Variants in GABRG1 observed in about 807,000 individuals in gnomAD.
GABRG1 encodes gamma-aminobutyric acid type A receptor subunit gamma1, also known as gamma-aminobutyric acid receptor subunit gamma-1.
Under a neutral mutation model 49.8 loss-of-function variants are expected in GABRG1, and 49 were observed. That is an observed-to-expected ratio of 0.98 (90% CI 0.78 to 1.25). The LOEUF (loss-of-function observed/expected upper bound fraction) is 1.25. Among genes scored for constraint, GABRG1 ranks in the 50% most tolerant of loss-of-function variants. GABRG1 has a pLI of 0.00. For missense variants in GABRG1, 552 were observed against 552.3 expected (o/e 1.00, Z 0.01); for synonymous variants, 232 against 185.1 (o/e 1.25, Z -2.06).
chr4:46,085,491 T>C (rs764320752), intron 2 of GABRG1, among the ~76,000 whole-genome samples: 5 of 151,600 alleles, frequency 3.3e-5, no homozygotes, highest in African/African-American at 4.8e-5. Context: ...TTGTTAAATA[T>C]GTATGTGAAA....
At chr4:46,072,508 C>T (rs1577647528) in intron 3 of GABRG1, among the ~76,000 whole-genome samples, 1 of 152,096 alleles carries the variant, frequency 6.6e-6, no homozygotes, top group African/African-American at 2.4e-5. Context: ...CAAGAAGGAA[C>T]ATATTCCTCC....
intron 6 of GABRG1, 28 bp downstream of exon 6, chr4:46,058,457 C>T (rs1454234410): frequency 6.2e-7 from 1 of 1,607,438 alleles, no homozygotes; most frequent in Non-Finnish European, 8.5e-7. Context: ...ATGCTAGCAT[C>T]ATTTCACTAT....
intron 8 of GABRG1, among the ~76,000 whole-genome samples, chr4:46,044,668 C>G (rs777219155): frequency 1.3e-5 from 2 of 152,082 alleles, no homozygotes; most frequent in Admixed American, 6.6e-5. Flanking sequence ...GGAATCTACT[C>G]TTCCACTCAG....
chr4:46,110,634 A>G lies in GABRG1; in HGVS notation c.104+13176T>C, dbSNP rs1720684259. On this transcript the variant is annotated intron_variant, in intron 1 of 8. Transcript: ENST00000295452. The stretch of plus-strand genomic sequence containing the variant: ...AATAAGGCAAACTGAACCCAACAGT[A>G]CATCAAAAAGTTAATTCATCACAAT... 7.9e-5 allele frequency among the ~76,000 whole-genome samples: 12 copies of G among 151,508 alleles called. No individual in the cohort carries two copies. In the South Asian group the frequency reaches 2.5e-3, roughly 31 times the overall value.
intron 3 of GABRG1, among the ~76,000 whole-genome samples, chr4:46,081,143 A>T (rs1009914584): frequency 6.6e-6 from 1 of 151,676 alleles, no homozygotes; most frequent in African/African-American, 2.4e-5. Flanking sequence ...CAGGTCCTTA[A>T]ATACATGTGT....
intron 7 of GABRG1, among the ~76,000 whole-genome samples, chr4:46,052,661 C>G (rs1352863701): frequency 2.0e-5 from 3 of 151,896 alleles, no homozygotes; most frequent in African/African-American, 7.2e-5. Context: ...TCATAATCCT[C>G]ATTCGTTTTC....
intron 2 of GABRG1, 56 bp from the exon 3 acceptor site, chr4:46,084,109 T>A: frequency 1.0e-6 from 1 of 973,278 alleles, no homozygotes; most frequent in Non-Finnish European, 1.6e-6. Flanking sequence ...TTGTTTTAAA[T>A]AAATCTTAGT....
chr4:46,088,872 T>C (rs1204740995), intron 2 of GABRG1, among the ~76,000 whole-genome samples: 1 of 147,918 alleles, frequency 6.8e-6, no homozygotes, highest in Non-Finnish European at 1.5e-5. Context: ...CTCAGGAAAA[T>C]TGAAGGCTGG....
chr4:46,064,545 T>A (rs760405417), intron 4 of GABRG1, 22 bp from the exon 5 acceptor site: 1 of 1,209,814 alleles, frequency 8.3e-7, no homozygotes, highest in South Asian at 1.7e-5. Context: ...GAAAGAAAAG[T>A]ATTAAATAAA....
At chr4:46,097,635 A>G (rs1001711374) in intron 1 of GABRG1, among the ~76,000 whole-genome samples, 3 of 151,688 alleles carry the variant, frequency 2.0e-5, no homozygotes, top group Non-Finnish European at 4.4e-5. Context: ...TTATTCCACC[A>G]AAATATGACT....
chr4:46,041,662 G>A (rs1026139391), intron 8 of GABRG1, among the ~76,000 whole-genome samples: 6 of 151,960 alleles, frequency 3.9e-5, no homozygotes, highest in Admixed American at 3.9e-4. Flanking sequence ...AAATAGCAAA[G>A]AAGACATTTT....
At chr4:46,063,831 C>T (rs1432467613) in intron 5 of GABRG1, among the ~76,000 whole-genome samples, 2 of 152,070 alleles carry the variant, frequency 1.3e-5, no homozygotes, top group Admixed American at 6.5e-5. Flanking sequence ...AACAAATTTA[C>T]AAGAAAAAAC....
intron 8 of GABRG1, among the ~76,000 whole-genome samples, chr4:46,050,901 G>A (rs1221549888): frequency 6.6e-6 from 1 of 151,788 alleles, no homozygotes; most frequent in East Asian, 1.9e-4. Context: ...CCATACATGA[G>A]TATATTAGAT....
In GABRG1 at chr4:46,073,623, C is replaced by T. The variant is rs183723546; in HGVS notation, c.322-8039G>A. Reference sequence around the variant, plus strand: ...CTAAGTATGAAACATAGTATGGTAACAAATATACAAAAGATCCCCTTTATT... The same window carrying T: ...CTAAGTATGAAACATAGTATGGTAATAAATATACAAAAGATCCCCTTTATT... On this transcript the variant is annotated intron_variant, in intron 3 of 8. Transcript: ENST00000295452. Among the ~76,000 whole-genome samples the T allele has an allele frequency of 4.5e-4, 68 of 151,986 alleles. 1 individual carries two copies. The highest frequency in any genetic ancestry group is 4.4e-3 in the Admixed American group (67 of 15,204).
chr4:46,093,598 T>A (rs1453769785), intron 2 of GABRG1, among the ~76,000 whole-genome samples: 1 of 151,930 alleles, frequency 6.6e-6, no homozygotes, highest in East Asian at 1.9e-4. Flanking sequence ...AGAGTATAAC[T>A]GGAATGTTCA....
At position 46,093,851 on chromosome 4, in the gene GABRG1, A is replaced by C. The variant is rs191846191; in HGVS notation, c.253+3350T>G. ...AAATCTTACTGGACTAAAAATTTTT[A>C]AAGGCTAAGTCAATCATTGTAGTCA... is the stretch of plus-strand genomic sequence containing the variant. On this transcript the variant is annotated intron_variant, in intron 2 of 8. Coordinates refer to ENST00000295452, the MANE Select transcript of GABRG1 (RefSeq NM_173536.4). Among the ~76,000 whole-genome samples, 356 of 152,140 alleles carry C rather than the reference A, an allele frequency of 2.3e-3. 1 individual carries two copies. Among genetic ancestry groups the C allele is most frequent in the Non-Finnish European group, 4.1e-3 (276 of 67,942 alleles).
At chr4:46,114,570 T>C (rs1399217618) in intron 1 of GABRG1, among the ~76,000 whole-genome samples, 1 of 150,904 alleles carries the variant, frequency 6.6e-6, no homozygotes, top group African/African-American at 2.4e-5. Context: ...GAGCCAAAGG[T>C]ATGTAATGTG....
rs749080837 is a variant in GABRG1 at position 46,076,647 on chromosome 4, C to T, written c.321+7339G>A. On this transcript the variant is annotated intron_variant, in intron 3 of 8. Transcript: ENST00000295452. Reference sequence around the variant, plus strand: ...TAGTCATGAGCTGAAGCAAACTAGACATTCATTCTGTCAGAACATTGCCCA... The same window carrying T: ...TAGTCATGAGCTGAAGCAAACTAGATATTCATTCTGTCAGAACATTGCCCA... 3.0e-4 allele frequency among the ~76,000 whole-genome samples: 45 copies of T among 151,412 alleles called. 1 individual carries two copies. The highest frequency in any genetic ancestry group is 1.0e-4 in the Non-Finnish European group (7 of 67,884).
intron 3 of GABRG1, among the ~76,000 whole-genome samples, chr4:46,082,205 G>T (rs535560915): frequency 8.6e-5 from 13 of 151,778 alleles, no homozygotes; most frequent in African/African-American, 3.1e-4. Flanking sequence ...CTCTTCATTA[G>T]TAATAAAACA....
Sources: allele counts gnomAD v4.1 joint callset (sites outside exome capture counted in the v4.1 genomes callset), GRCh38; gene constraint gnomAD v4.1.1; transcripts MANE v1.5; gene names NCBI Gene and HGNC (gene_info 2026-07-23, HGNC 2026-07-21).